Variants in KCNIP4 observed in about 807,000 individuals in gnomAD.
The protein encoded by KCNIP4 is potassium voltage-gated channel interacting protein 4.
Under a neutral mutation model 34.0 loss-of-function variants are expected in KCNIP4, and 12 were observed. The observed-to-expected ratio is 0.35, with a 90% CI of 0.23 to 0.57. The LOEUF is 0.57. Among genes scored for constraint, KCNIP4 ranks in the 20% least tolerant of loss-of-function variants. The pLI is 0.83. For missense variants in KCNIP4, 238 were observed against 311.7 expected (o/e 0.76, Z 1.78); for synonymous variants, 124 against 102.2 (o/e 1.21, Z -1.29).
intron 1 of KCNIP4, among the ~76,000 whole-genome samples, chr4:20,906,141 T>C (rs942770577): frequency 6.8e-6 from 1 of 146,058 alleles, no homozygotes. Flanking sequence ...TCTTTCTCTC[T>C]CTCTTGTCGG....
chr4:20,911,120 T>A (rs941331634), intron 1 of KCNIP4, among the ~76,000 whole-genome samples: 3 of 152,200 alleles, frequency 2.0e-5, no homozygotes, highest in Non-Finnish European at 4.4e-5. Context: ...TTGTTTTAGC[T>A]GAATTGTCTG....
intron 1 of KCNIP4, among the ~76,000 whole-genome samples, chr4:21,572,858 C>G (rs973625907): frequency 8.5e-5 from 13 of 152,238 alleles, no homozygotes; most frequent in South Asian, 6.2e-4. Flanking sequence ...AACTCCTGAC[C>G]TCAGGTGATC....
chr4:21,187,685 T>C lies in KCNIP4; in HGVS notation c.62-304976A>G, dbSNP rs144251046. 6.3e-3 allele frequency among the ~76,000 whole-genome samples: 959 copies of C among 151,852 alleles called. 11 individuals are homozygous for C. The highest frequency in any genetic ancestry group is 0.022 in the African/African-American group (911 of 41,236). Reference sequence around the variant, plus strand: ...GGTTTTAGGGCATTTAGATTCTCCTTACTAATTCTTCAGAATCCTCATTTT... The same window carrying C: ...GGTTTTAGGGCATTTAGATTCTCCTCACTAATTCTTCAGAATCCTCATTTT... On this transcript the variant is annotated intron_variant, in intron 1 of 8. Transcript: ENST00000382152.
chr4:21,822,821 G>T (rs1722441298), intron 1 of KCNIP4, among the ~76,000 whole-genome samples: 1 of 150,876 alleles, frequency 6.6e-6, no homozygotes, highest in African/African-American at 2.4e-5. Context: ...GGTTTCAAGA[G>T]ATTCTCTTGC....
intron 1 of KCNIP4, among the ~76,000 whole-genome samples, chr4:21,259,087 G>T (rs1215047063): frequency 6.6e-6 from 1 of 152,094 alleles, no homozygotes. Context: ...TACTTTTCAC[G>T]TCATACTGAT....
intron 1 of KCNIP4, among the ~76,000 whole-genome samples, chr4:21,051,090 C>A (rs1192719262): frequency 6.6e-6 from 1 of 152,220 alleles, no homozygotes; most frequent in Admixed American, 6.5e-5. Flanking sequence ...CTCTGCCAGC[C>A]TGGAAGTTCC....
intron 1 of KCNIP4, among the ~76,000 whole-genome samples, chr4:21,592,312 T>G (rs889828167): frequency 6.6e-6 from 1 of 152,094 alleles, no homozygotes; most frequent in Non-Finnish European, 1.5e-5. Flanking sequence ...GGATGTCTCA[T>G]TTTTTTCTCT....
intron 1 of KCNIP4, among the ~76,000 whole-genome samples, chr4:21,410,546 G>T (rs1255392010): frequency 6.6e-6 from 1 of 152,140 alleles, no homozygotes; most frequent in Non-Finnish European, 1.5e-5. Context: ...CTGGAAGCCA[G>T]TACCACCTTG....
intron 1 of KCNIP4, among the ~76,000 whole-genome samples, chr4:21,909,305 G>A (rs1284994755): frequency 1.3e-5 from 2 of 151,980 alleles, no homozygotes; most frequent in Non-Finnish European, 2.9e-5. Context: ...CCAAGTAAAT[G>A]TCTCTGAATT....
At chr4:21,597,972 G>A (rs1742787693) in intron 1 of KCNIP4, among the ~76,000 whole-genome samples, 1 of 152,070 alleles carries the variant, frequency 6.6e-6, no homozygotes, top group African/African-American at 2.4e-5. Context: ...TTTTAAGAGA[G>A]TAATAAATAA....
intron 1 of KCNIP4, among the ~76,000 whole-genome samples, chr4:21,938,476 A>C (rs1333392999): frequency 2.0e-5 from 3 of 152,188 alleles, no homozygotes; most frequent in East Asian, 3.9e-4. Flanking sequence ...AATATTATTT[A>C]ATCTACAGAA....
chr4:21,684,470 T>A (rs978535), intron 1 of KCNIP4, among the ~76,000 whole-genome samples: 1 of 152,044 alleles, frequency 6.6e-6, no homozygotes, highest in Admixed American at 6.6e-5. Context: ...AAACTAGGAC[T>A]TTAACATCTA....
chr4:21,519,689 TAC>T (rs761322486), intron 1 of KCNIP4, among the ~76,000 whole-genome samples: 39 of 142,838 alleles, frequency 2.7e-4, no homozygotes, highest in Non-Finnish European at 4.7e-4. Flanking sequence ...TATGTGTATA[TAC>T]ACACGTGTGT....
At chr4:20,761,111 C>T (rs1754922301) in intron 3 of KCNIP4, among the ~76,000 whole-genome samples, 1 of 152,136 alleles carries the variant, frequency 6.6e-6, no homozygotes, top group South Asian at 2.1e-4. Flanking sequence ...AAAGACGGAC[C>T]TTCCCAGAGA....
chr4:21,754,044 C>T (rs1200017424), intron 1 of KCNIP4, among the ~76,000 whole-genome samples: 1 of 152,184 alleles, frequency 6.6e-6, no homozygotes, highest in Non-Finnish European at 1.5e-5. Flanking sequence ...AGTGTGCCCT[C>T]CTTAGGGAGC....
chr4:21,203,560 A>G (rs1485687427), intron 1 of KCNIP4, among the ~76,000 whole-genome samples: 1 of 152,194 alleles, frequency 6.6e-6, no homozygotes, highest in African/African-American at 2.4e-5. Context: ...ACACATCTCT[A>G]GCTTGCTGAA....
At chr4:21,388,517 A>G (rs1722248412) in intron 1 of KCNIP4, among the ~76,000 whole-genome samples, 1 of 152,120 alleles carries the variant, frequency 6.6e-6, no homozygotes, top group Non-Finnish European at 1.5e-5. Flanking sequence ...TATAATCAAC[A>G]TATCATATAA....
At chr4:21,546,635 T>C (rs1250233796) in intron 1 of KCNIP4, among the ~76,000 whole-genome samples, 3 of 152,288 alleles carry the variant, frequency 2.0e-5, no homozygotes, top group East Asian at 3.9e-4. Context: ...ATTATACTCA[T>C]ACTAAATCTG....
At chr4:20,765,030 G>T (rs779964814) in intron 3 of KCNIP4, among the ~76,000 whole-genome samples, 1 of 152,198 alleles carries the variant, frequency 6.6e-6, no homozygotes, top group Admixed American at 6.5e-5. Context: ...ACTTGTTTGA[G>T]TCACACAGGT....
Sources: allele counts gnomAD v4.1 joint callset (sites outside exome capture counted in the v4.1 genomes callset), GRCh38; gene constraint gnomAD v4.1.1; transcripts MANE v1.5; gene names NCBI Gene and HGNC (gene_info 2026-07-23, HGNC 2026-07-21).